TENT5C: variants seen among roughly 807,000 people sequenced by gnomAD.
TENT5C encodes the protein terminal nucleotidyltransferase 5C, also known as family with sequence similarity 46 member C.
Under a neutral mutation model 22.2 loss-of-function variants are expected in TENT5C, and 5 were observed. That is an observed-to-expected ratio of 0.22 (90% CI 0.12 to 0.47). The LOEUF (loss-of-function observed/expected upper bound fraction) is 0.47. Among genes scored for constraint, TENT5C ranks in the 20% least tolerant of loss-of-function variants. The pLI, the probability that TENT5C is intolerant of heterozygous loss-of-function variation, is 0.99. For synonymous variants in TENT5C, 199 were observed against 195.4 expected (o/e 1.02, Z -0.15); for missense variants, 364 against 500.9 (o/e 0.73, Z 2.61).
intron 1 of TENT5C, among the ~76,000 whole-genome samples, chr1:117,617,535 G>A (rs1159178231): frequency 6.6e-6 from 1 of 152,092 alleles, no homozygotes; most frequent in Non-Finnish European, 1.5e-5. Flanking sequence ...ACAAATTATG[G>A]TTTCCACCTT....
Position 117,624,154 on chromosome 1 carries a change from T to G in TENT5C, c.*110T>G. 1 of 804,460 alleles carries G rather than the reference T, an allele frequency of 1.2e-6. No individual in the cohort carries two copies. The highest frequency in any genetic ancestry group is 1.9e-6 in the Non-Finnish European group (1 of 516,270). 49.8% of individuals were successfully genotyped at this position (804,460 alleles called of 1,614,324 possible). ...TTTGGCTTTTAAAGGGGAACTCAGC[T>G]CTGATTCTGCTTTTTTTTTTTTTTT... On this transcript the variant is annotated 3_prime_UTR_variant, in exon 2 of 2. Coordinates refer to ENST00000369448, the MANE Select transcript of TENT5C (RefSeq NM_017709.4).
In TENT5C at chr1:117,626,510, T is replaced by C. The variant is rs1654016186; in HGVS notation, c.*2466T>C. On this transcript the variant is annotated 3_prime_UTR_variant, in exon 2 of 2. Transcript: ENST00000369448. ...AGCTGCACTGACCAAAGCTGTACTT[T>C]TAAAACACAACCCCTGGGCTAGTGA... is the stretch of plus-strand genomic sequence containing the variant. The C allele has an allele frequency of 4.0e-6, 1 of 247,910 alleles. No homozygotes were observed. The highest frequency in any genetic ancestry group is 8.5e-6 in the Non-Finnish European group (1 of 118,040). The allele number at this position is 247,910 out of a possible 1,614,324, so 15.4% of individuals were successfully genotyped here.
At chr1:117,610,893 T>C (rs111528467) in intron 1 of TENT5C, among the ~76,000 whole-genome samples, 27 of 152,348 alleles carry the variant, frequency 1.8e-4, no homozygotes, top group African/African-American at 6.3e-4. Flanking sequence ...TTTGATTGAA[T>C]AAGCACAAAG....
chr1:117,626,588 CCTTGAATT>C lies in TENT5C; in HGVS notation c.*2545_*2552del, dbSNP rs1174161581. The C allele has an allele frequency of 3.2e-5, 8 of 247,938 alleles. No homozygotes were observed. The Admixed American group carries it at 4.5e-4, about 14-fold the overall frequency. 15.4% of individuals were successfully genotyped at this position (247,938 alleles called of 1,614,324 possible). A position where few individuals can be genotyped will look rare whatever the true frequency, so the allele number is the denominator to read the frequency against. On this transcript the variant is annotated 3_prime_UTR_variant, in exon 2 of 2. Transcript: ENST00000369448. ...GCCAGCCTCAGAATAGGCGAGGTAACCTTGAATTTCAGGGCCCTGGAAACTCTAGCTGA... is the reference window on the plus strand; with the variant it reads ...GCCAGCCTCAGAATAGGCGAGGTAACTCAGGGCCCTGGAAACTCTAGCTGA...
chr1:117,619,687 C>T (rs1404089555), intron 1 of TENT5C, among the ~76,000 whole-genome samples: 1 of 150,998 alleles, frequency 6.6e-6, no homozygotes, highest in Non-Finnish European at 1.5e-5. Context: ...TTGATCTGTC[C>T]AATCTAGATC....
At chr1:117,612,525 G>C (rs941092261) in intron 1 of TENT5C, among the ~76,000 whole-genome samples, 2 of 81,498 alleles carry the variant, frequency 2.5e-5, no homozygotes, top group Admixed American at 1.4e-4. Context: ...TTCAAGTCAA[G>C]TCAAAGTGTT....
At chr1:117,613,721 A>G (rs1013124964) in intron 1 of TENT5C, among the ~76,000 whole-genome samples, 1 of 152,252 alleles carries the variant, frequency 6.6e-6, no homozygotes, top group Non-Finnish European at 1.5e-5. Flanking sequence ...CATCATTGGT[A>G]AATGGCTGGA....
chr1:117,610,946 G>C (rs1467604767), intron 1 of TENT5C, among the ~76,000 whole-genome samples: 2 of 152,154 alleles, frequency 1.3e-5, no homozygotes, highest in African/African-American at 2.4e-5. Flanking sequence ...AAAACATTTT[G>C]AGAAGAAAAT....
At chr1:117,622,408 T>C (rs1653913238) in intron 1 of TENT5C, among the ~76,000 whole-genome samples, 1 of 151,754 alleles carries the variant, frequency 6.6e-6, no homozygotes, top group African/African-American at 2.4e-5. Flanking sequence ...TAGACGAATG[T>C]AGACATTCTC....
chr1:117,606,994 G>A (rs1310290427), intron 1 of TENT5C, among the ~76,000 whole-genome samples: 1 of 152,188 alleles, frequency 6.6e-6, no homozygotes, highest in Non-Finnish European at 1.5e-5. Context: ...ACGGATACCG[G>A]TGCGGCTGCC....
chr1:117,612,354 T>TTC (rs1653687802), intron 1 of TENT5C, among the ~76,000 whole-genome samples: 1 of 151,834 alleles, frequency 6.6e-6, no homozygotes, highest in African/African-American at 2.4e-5. Flanking sequence ...ATTCTTTTTT[T>TTC]TTTTTTTTAT....
chr1:117,612,316 A>G (rs3767810), intron 1 of TENT5C, among the ~76,000 whole-genome samples: 38,315 of 151,158 alleles, frequency 0.25, 4,903 homozygotes, highest in Admixed American at 0.33. Flanking sequence ...ACTAAAACAC[A>G]TGGTGTTGGA....
intron 1 of TENT5C, among the ~76,000 whole-genome samples, chr1:117,612,984 T>C (rs1009873546): frequency 2.6e-4 from 40 of 152,348 alleles, no homozygotes; most frequent in African/African-American, 9.1e-4. Context: ...TTAAACCCTG[T>C]GGATTACGTG....
At chr1:117,622,784 G>T in intron 1 of TENT5C, 58 bp from the exon 2 acceptor site, 1 of 1,188,348 alleles carries the variant, frequency 8.4e-7, no homozygotes. Context: ...TGAGTTCCTC[G>T]AGCTGCTTTG....
chr1:117,614,075 G>A (rs1430353160), intron 1 of TENT5C, among the ~76,000 whole-genome samples: 5 of 152,194 alleles, frequency 3.3e-5, no homozygotes, highest in Non-Finnish European at 7.3e-5. Context: ...TCGAGTGTCT[G>A]TTATCTGTAA....
rs826403 is a variant in TENT5C, at chr1:117,624,577, A to G, written c.*533A>G. On this transcript the variant is annotated 3_prime_UTR_variant, in exon 2 of 2. Transcript: ENST00000369448. ...ACTTAATTTTTGTTCAAGGGACTAA[A>G]TTGCTTATGTTTATTCCCTGTCAGC... 95,567 of 248,872 alleles carry G rather than the reference A, an allele frequency of 0.38. 20,150 individuals carry two copies. The highest frequency in any genetic ancestry group is 0.6 in the African/African-American group (27,348 of 45,328). 15.4% of individuals were successfully genotyped at this position (248,872 alleles called of 1,614,324 possible).
At position 117,627,590 on chromosome 1, in the gene TENT5C, G is replaced by T. The variant is rs1285105209; in HGVS notation, c.*3546G>T. 1 of 247,986 alleles carries T rather than the reference G, an allele frequency of 4.0e-6. No homozygotes were observed. Among genetic ancestry groups the T allele is most frequent in the African/African-American group, 2.2e-5 (1 of 45,334 alleles). The allele number at this position is 247,986 out of a possible 1,614,324, so 15.4% of individuals were successfully genotyped here. Reference sequence around the variant, plus strand: ...ATTCCTTCCTGGGTGTCGGACCAGGGCTCTGTGTCAGGGAAAACCTTCTGG... The same window carrying T: ...ATTCCTTCCTGGGTGTCGGACCAGGTCTCTGTGTCAGGGAAAACCTTCTGG... On this transcript the variant is annotated 3_prime_UTR_variant, in exon 2 of 2. Coordinates refer to ENST00000369448, the MANE Select transcript of TENT5C (RefSeq NM_017709.4).
At chr1:117,620,321 T>A (rs2101078265) in intron 1 of TENT5C, among the ~76,000 whole-genome samples, 1 of 152,376 alleles carries the variant, frequency 6.6e-6, no homozygotes, top group East Asian at 1.9e-4. Context: ...AAAAAAATTG[T>A]TGCTTGTATC....
Position 117,622,955 on chromosome 1 carries a change from C to T in TENT5C, c.87C>T (p.Leu29=). 1.2e-6 allele frequency: 2 copies of T among 1,614,054 alleles called. No individual in the cohort carries two copies. The highest frequency in any genetic ancestry group is 1.7e-6 in the Non-Finnish European group (2 of 1,180,022). ...WDQVSRLHEV[L]TEVVPIHGRG... is the part of the protein sequence containing the mutation. ...AGGTTAGCCGGCTGCATGAGGTCCTCACTGAAGTTGTACCTATCCACGGAC... is the reference window on the plus strand; with the variant it reads ...AGGTTAGCCGGCTGCATGAGGTCCTTACTGAAGTTGTACCTATCCACGGAC... Residue 29 remains leucine, a synonymous_variant, in exon 2 of 2, where the codon CTC becomes CTT. Coordinates refer to ENST00000369448, the MANE Select transcript of TENT5C (RefSeq NM_017709.4).
Sources: gnomAD v4.1 joint callset for allele counts (sites outside exome capture counted in the v4.1 genomes callset) on GRCh38, gnomAD v4.1.1 for gene constraint, MANE v1.5 for transcripts, NCBI Gene and HGNC (gene_info 2026-07-23, HGNC 2026-07-21) for gene names.